The following TSNARE1 variants were observed in gnomAD, a reference collection of about 807,000 sequenced individuals.
TSNARE1 encodes t-SNARE domain containing 1.
A neutral mutation model predicts 62.0 loss-of-function variants in TSNARE1; 49 were observed. The ratio of observed to expected loss-of-function variants is 0.79; its 90% CI spans 0.63 to 1.00. The LOEUF is 1.00. TSNARE1 is among the 50% of genes least tolerant of loss of function. The pLI is 0.00. For synonymous variants in TSNARE1, 328 were observed against 294.4 expected (o/e 1.11, Z -1.17); for missense variants, 755 against 700.1 (o/e 1.08, Z -0.88).
Position 142,326,492 on chromosome 8 carries a change from G to C in TSNARE1, c.893+4409C>G, listed in dbSNP as rs1253722939. Among the ~76,000 whole-genome samples the C allele has an allele frequency of 2.6e-4, 23 of 89,770 alleles. 1 individual carries two copies. The highest frequency in any genetic ancestry group is 8.5e-4 in the East Asian group (2 of 2,348). The allele number at this position is 89,770 out of a possible 152,430, so 58.9% of individuals were successfully genotyped here. Reference sequence around the variant, plus strand: ...GCCCCGGAGGGCATGAGACAGATGAGGAACCAGCACCAGCGAAGGGGAGGG... The same window carrying C: ...GCCCCGGAGGGCATGAGACAGATGACGAACCAGCACCAGCGAAGGGGAGGG... On this transcript the variant is annotated intron_variant, in intron 6 of 13. Coordinates refer to ENST00000524325, the MANE Select transcript of TSNARE1 (RefSeq NM_145003.5).
intron 1 of TSNARE1, among the ~76,000 whole-genome samples, chr8:142,393,479 G>T (rs1384289769): frequency 6.6e-6 from 1 of 152,364 alleles, no homozygotes; most frequent in East Asian, 1.9e-4. Context: ...AAGCTACCAC[G>T]GGGAAAACTG....
At chr8:142,352,849 G>A (rs1247498446) in intron 2 of TSNARE1, among the ~76,000 whole-genome samples, 1 of 152,188 alleles carries the variant, frequency 6.6e-6, no homozygotes, top group African/African-American at 2.4e-5. Flanking sequence ...CAGGGGCCTG[G>A]GGGTCAGGCG....
upstream of TSNARE1, chr8:142,404,920 C>T (rs969235703): frequency 6.6e-6 from 1 of 152,358 alleles, no homozygotes; most frequent in Admixed American, 6.5e-5. Context: ...GCCCTTTCCT[C>T]CCAGGGCAGA....
intron 13 of TSNARE1, among the ~76,000 whole-genome samples, chr8:142,220,139 C>T (rs1371798403): frequency 1.2e-4 from 18 of 152,330 alleles, no homozygotes; most frequent in Admixed American, 7.8e-4. Context: ...GTAGTAGAGA[C>T]GGGCAGTGAG....
At chr8:142,379,180 G>A (rs1285728472) in intron 1 of TSNARE1, among the ~76,000 whole-genome samples, 3 of 152,214 alleles carry the variant, frequency 2.0e-5, no homozygotes, top group African/African-American at 7.2e-5. Context: ...CCTCAAATGC[G>A]TCAGTCTCCT....
chr8:142,347,371 G>A (rs1833512602), intron 2 of TSNARE1, among the ~76,000 whole-genome samples: 1 of 152,222 alleles, frequency 6.6e-6, no homozygotes, highest in African/African-American at 2.4e-5. Flanking sequence ...CCAAGTCACA[G>A]ACGCCTCTCA....
At chr8:142,273,045 A>C in intron 12 of TSNARE1, 1 of 985,352 alleles carries the variant, frequency 1.0e-6, no homozygotes, top group Admixed American at 6.1e-5. Flanking sequence ...CCTGGGCCTG[A>C]GCCTTGCCCA....
At chr8:142,261,267 GGA>G (rs751491360) in intron 12 of TSNARE1, among the ~76,000 whole-genome samples, 44 of 131,300 alleles carry the variant, frequency 3.4e-4, no homozygotes, top group Non-Finnish European at 4.5e-4. Flanking sequence ...AGGGAAGGAA[GGA>G]GAGAGAGAGG....
chr8:142,276,995 C>A (rs1240586930), intron 11 of TSNARE1: 1 of 985,462 alleles, frequency 1.0e-6, no homozygotes, highest in Non-Finnish European at 1.2e-6. Context: ...GGGCTGCTCC[C>A]GGTGCTGTGC....
rs1047072401 is a variant in TSNARE1 at position 142,262,773 on chromosome 8, A to G, written c.1446+12008T>C. 3.3e-5 allele frequency among the ~76,000 whole-genome samples: 5 copies of G among 152,156 alleles called. No individual in the cohort carries two copies. In the East Asian group the frequency reaches 7.7e-4, roughly 23 times the overall value. On this transcript the variant is annotated intron_variant, in intron 12 of 13. Transcript: ENST00000524325. ...GTAAGTTCCCTGAGGCCTCCCCAGA[A>G]GCAGAAGCCGCTATGCTTCCCGTAC...
chr8:142,322,578 T>C (rs1156805237), intron 6 of TSNARE1, among the ~76,000 whole-genome samples: 5 of 152,180 alleles, frequency 3.3e-5, no homozygotes, highest in Non-Finnish European at 5.9e-5. Flanking sequence ...GGTCACAGGA[T>C]ACAAGGAAGT....
chr8:142,402,269 A>G (rs898352006), intron 1 of TSNARE1, among the ~76,000 whole-genome samples: 1 of 152,148 alleles, frequency 6.6e-6, no homozygotes, highest in Non-Finnish European at 1.5e-5. Flanking sequence ...CCGCTCACAG[A>G]ACTTCCTGTG....
chr8:142,228,252 G>T (rs780812218), intron 13 of TSNARE1, among the ~76,000 whole-genome samples: 17 of 152,234 alleles, frequency 1.1e-4, no homozygotes, highest in Non-Finnish European at 2.2e-4. Context: ...TTTGGTTTCA[G>T]CCACTAAGCT....
intron 13 of TSNARE1, among the ~76,000 whole-genome samples, chr8:142,226,570 A>G (rs1816785742): frequency 6.6e-6 from 1 of 152,072 alleles, no homozygotes; most frequent in African/African-American, 2.4e-5. Context: ...CAGACTCCAC[A>G]CTCAGAGCCC....
intron 1 of TSNARE1, among the ~76,000 whole-genome samples, chr8:142,361,884 C>A (rs2130882721): frequency 6.6e-6 from 1 of 152,336 alleles, no homozygotes; most frequent in Middle Eastern, 3.4e-3. Flanking sequence ...GAGCCCTCAG[C>A]CGCGCCCCAC....
chr8:142,273,082 G>A (rs978788831), intron 12 of TSNARE1: 54 of 985,276 alleles, frequency 5.5e-5, no homozygotes, highest in East Asian at 1.1e-4. Flanking sequence ...TCGGGGGGGC[G>A]GTGCCTGCTC....
In TSNARE1 at chr8:142,387,331, A is replaced by C. The variant is rs138221873; in HGVS notation, c.-40+15773T>G. The stretch of plus-strand genomic sequence containing the variant: ...ATACAAAATAAGTTTGAAAAGAATA[A>C]TAAAAAATGAATCAAGCATTCACAC... On this transcript the variant is annotated intron_variant, in intron 1 of 13. Transcript: ENST00000524325. Among the ~76,000 whole-genome samples the C allele has an allele frequency of 8.2e-3, 1,254 of 152,322 alleles. 20 individuals carry two copies. Among genetic ancestry groups the C allele is most frequent in the African/African-American group, 0.028 (1,185 of 41,584 alleles).
chr8:142,280,637 G>A (rs973004468), intron 11 of TSNARE1, among the ~76,000 whole-genome samples: 4 of 152,142 alleles, frequency 2.6e-5, no homozygotes, highest in Non-Finnish European at 4.4e-5. Context: ...AGTGCCCCTC[G>A]TGATCAGTCC....
At chr8:142,264,617 T>A (rs1029155730) in intron 12 of TSNARE1, among the ~76,000 whole-genome samples, 3 of 152,254 alleles carry the variant, frequency 2.0e-5, no homozygotes, top group Admixed American at 6.5e-5. Flanking sequence ...GGATTTTTCA[T>A]CCTCCCGATG....
Sources: gnomAD v4.1 joint callset for allele counts (sites outside exome capture counted in the v4.1 genomes callset) on GRCh38, gnomAD v4.1.1 for gene constraint, MANE v1.5 for transcripts, NCBI Gene and HGNC (gene_info 2026-07-23, HGNC 2026-07-21) for gene names.